The following CDK14 variants were observed in gnomAD, a reference collection of about 807,000 sequenced individuals.
CDK14 encodes the protein cyclin-dependent kinase 14.
In CDK14, 34 loss-of-function variants were observed where a neutral mutation model predicts 60.7. The ratio of observed to expected loss-of-function variants is 0.56; its 90% confidence interval spans 0.43 to 0.75. The LOEUF is 0.75. Among genes scored for constraint, CDK14 ranks in the 30% least tolerant of loss-of-function variants. The pLI, the probability that CDK14 is intolerant of heterozygous loss-of-function variation, is 0.00. For synonymous variants in CDK14, 197 were observed against 203.7 expected (o/e 0.97, Z 0.28); for missense variants, 482 against 564.1 (o/e 0.85, Z 1.47).
At chr7:91,114,240 A>C (rs1235291185) in intron 13 of CDK14, among the ~76,000 whole-genome samples, 3 of 152,136 alleles carry the variant, frequency 2.0e-5, no homozygotes, top group African/African-American at 7.2e-5. Context: ...ATGAATTCTG[A>C]ATTCTGTAGT....
chr7:91,178,807 A>G (rs1167429340), intron 14 of CDK14, among the ~76,000 whole-genome samples: 1 of 151,746 alleles, frequency 6.6e-6, no homozygotes, highest in Non-Finnish European at 1.5e-5. Flanking sequence ...GTCAGGAAAC[A>G]ACAGGTGCTG....
chr7:90,811,771 G>GA (rs1302007234), intron 5 of CDK14, among the ~76,000 whole-genome samples: 5 of 151,760 alleles, frequency 3.3e-5, no homozygotes, highest in Admixed American at 1.3e-4. Flanking sequence ...AAATTTACAA[G>GA]AAAAAACAAA....
chr7:91,077,335 T>C (rs1404288389), intron 11 of CDK14, among the ~76,000 whole-genome samples: 1 of 152,202 alleles, frequency 6.6e-6, no homozygotes, highest in African/African-American at 2.4e-5. Flanking sequence ...AATGAGATCA[T>C]GTCCTTTGCA....
chr7:90,744,429 A>G (rs1803489626), intron 3 of CDK14, among the ~76,000 whole-genome samples: 1 of 152,206 alleles, frequency 6.6e-6, no homozygotes, highest in Admixed American at 6.5e-5. Flanking sequence ...CAGACACGGC[A>G]ACCATCTGAT....
chr7:90,813,156 C>T (rs886580241), intron 5 of CDK14, among the ~76,000 whole-genome samples: 8 of 152,098 alleles, frequency 5.3e-5, no homozygotes, highest in African/African-American at 1.2e-4. Flanking sequence ...ATATACCAAG[C>T]GTATTTTGTT....
At chr7:91,118,510 A>C (rs536483288) in intron 14 of CDK14, among the ~76,000 whole-genome samples, 2 of 152,332 alleles carry the variant, frequency 1.3e-5, no homozygotes, top group Non-Finnish European at 2.9e-5. Flanking sequence ...AAAAAGGTTC[A>C]CTTTGGGCTG....
At chr7:90,752,724 G>A (rs1320379507) in intron 4 of CDK14, among the ~76,000 whole-genome samples, 1 of 152,030 alleles carries the variant, frequency 6.6e-6, no homozygotes, top group East Asian at 1.9e-4. Context: ...TCAAAAGTTG[G>A]TTCTTTGAAA....
chr7:91,119,391 G>A (rs1183347967), intron 14 of CDK14, among the ~76,000 whole-genome samples: 1 of 152,202 alleles, frequency 6.6e-6, no homozygotes, highest in Non-Finnish European at 1.5e-5. Flanking sequence ...GGCTGAGGTG[G>A]GAGGATGGCT....
intron 2 of CDK14, among the ~76,000 whole-genome samples, chr7:90,654,856 A>G (rs1289208415): frequency 6.6e-6 from 1 of 152,304 alleles, no homozygotes; most frequent in Non-Finnish European, 1.5e-5. Context: ...CATAGTTTAC[A>G]TTAGGGTTCA....
intron 2 of CDK14, among the ~76,000 whole-genome samples, chr7:90,687,662 A>G (rs1801465271): frequency 6.6e-6 from 1 of 152,126 alleles, no homozygotes; most frequent in Non-Finnish European, 1.5e-5. Context: ...CAAGGCAGAA[A>G]GTTTTCATCT....
intron 6 of CDK14, among the ~76,000 whole-genome samples, chr7:90,883,506 A>T (rs1404525423): frequency 6.6e-6 from 1 of 152,168 alleles, no homozygotes; most frequent in Non-Finnish European, 1.5e-5. Flanking sequence ...TTCTACCAGA[A>T]ATACAAAGAC....
At chr7:91,081,044 T>G (rs1235643503) in intron 12 of CDK14, among the ~76,000 whole-genome samples, 1 of 152,210 alleles carries the variant, frequency 6.6e-6, no homozygotes, top group Non-Finnish European at 1.5e-5. Flanking sequence ...CTTGTAAGTT[T>G]TGCCTTAAGG....
chr7:91,152,124 A>G (rs1800844220), intron 14 of CDK14, among the ~76,000 whole-genome samples: 1 of 152,224 alleles, frequency 6.6e-6, no homozygotes, highest in African/African-American at 2.4e-5. Context: ...CTCCCCACAT[A>G]GACCGCTTAT....
chr7:90,640,142 G>A (rs537063998), intron 2 of CDK14, among the ~76,000 whole-genome samples: 4 of 152,080 alleles, frequency 2.6e-5, no homozygotes, highest in Admixed American at 2.6e-4. Flanking sequence ...TGTGCCCACT[G>A]TCTGGCACTC....
chr7:91,111,797 C>G (rs1799475397), intron 12 of CDK14, among the ~76,000 whole-genome samples: 1 of 152,136 alleles, frequency 6.6e-6, no homozygotes, highest in Non-Finnish European at 1.5e-5. Context: ...CTTGATTGCT[C>G]TGAGTAGAGA....
chr7:91,008,117 G>A (rs551932766), intron 10 of CDK14, among the ~76,000 whole-genome samples: 16 of 133,242 alleles, frequency 1.2e-4, no homozygotes, highest in African/African-American at 3.9e-4. Context: ...AGCCAGTGCC[G>A]GGAGAAGGCC....
At chr7:91,001,394 C>A (rs373762563) in intron 10 of CDK14, among the ~76,000 whole-genome samples, 11 of 152,114 alleles carry the variant, frequency 7.2e-5, no homozygotes, top group African/African-American at 2.4e-4. Flanking sequence ...AGCAGCCTGT[C>A]GCTTCAGATG....
intron 10 of CDK14, among the ~76,000 whole-genome samples, chr7:91,039,156 C>A (rs1797014003): frequency 6.6e-6 from 1 of 152,178 alleles, no homozygotes; most frequent in Non-Finnish European, 1.5e-5. Context: ...TTTAAGGCTT[C>A]ATTTTCTTCA....
At chr7:90,734,327 C>T (rs562202916) in intron 3 of CDK14, among the ~76,000 whole-genome samples, 3 of 152,022 alleles carry the variant, frequency 2.0e-5, no homozygotes, top group Non-Finnish European at 4.4e-5. Context: ...GTGGTGGTCT[C>T]TGTATTTCCT....
Sources: allele counts gnomAD v4.1 joint callset (sites outside exome capture counted in the v4.1 genomes callset), GRCh38; gene constraint gnomAD v4.1.1; transcripts MANE v1.5; gene names NCBI Gene and HGNC (gene_info 2026-07-23, HGNC 2026-07-21).